Variants in TCF3 observed in about 807,000 individuals in gnomAD.
TCF3 encodes transcription factor 3.
Under a neutral mutation model 72.3 loss-of-function variants are expected in TCF3, and 54 were observed. That is an observed-to-expected ratio of 0.75 (90% CI 0.60 to 0.94). The LOEUF (loss-of-function observed/expected upper bound fraction) is 0.94, where lower values mean the gene tolerates loss of function less well. Among genes scored for constraint, TCF3 ranks in the 40% least tolerant of loss-of-function variants. TCF3 has a pLI of 0.00. For synonymous variants in TCF3, 525 were observed against 412.6 expected, an observed-to-expected ratio of 1.27 and a Z score of -3.30; for missense variants, 1,078 against 934.4, an observed-to-expected ratio of 1.15 and a Z score of -2.00.
chr19:1,640,909 G>A (rs1356030766), intron 3 of TCF3, among the ~76,000 whole-genome samples: 6 of 152,210 alleles, frequency 3.9e-5, no homozygotes, highest in African/African-American at 1.2e-4. Flanking sequence ...AGCACTTTGG[G>A]AGGCCGAGGT....
intron 3 of TCF3, among the ~76,000 whole-genome samples, chr19:1,636,252 TG>T (rs1418865382): frequency 6.6e-6 from 1 of 152,052 alleles, no homozygotes; most frequent in Non-Finnish European, 1.5e-5. Flanking sequence ...CTCCGCCTCC[TG>T]GGTTCAAGTG....
intron 4 of TCF3, 21 bp from the exon 5 acceptor site, chr19:1,632,137 A>C: frequency 6.2e-7 from 1 of 1,610,004 alleles, no homozygotes; most frequent in South Asian, 1.1e-5. Flanking sequence ...TGGGGTGGGG[A>C]TGAGAGGTGC....
chr19:1,637,857 C>T (rs1013925862), intron 3 of TCF3, among the ~76,000 whole-genome samples: 6 of 151,680 alleles, frequency 4.0e-5, no homozygotes, highest in South Asian at 2.1e-4. Context: ...TGCAGTGAGC[C>T]GAGATCGTGC....
intron 3 of TCF3, among the ~76,000 whole-genome samples, chr19:1,641,055 CAGG>C (rs2065165268): frequency 6.7e-6 from 1 of 149,892 alleles, no homozygotes; most frequent in Non-Finnish European, 1.5e-5. Context: ...GAGGCTGAAG[CAGG>C]AGAATCGTTT....
intron 8 of TCF3, 93 bp downstream of exon 8, chr19:1,623,858 C>A: frequency 7.4e-7 from 1 of 1,352,044 alleles, no homozygotes; most frequent in Non-Finnish European, 1.0e-6. Flanking sequence ...TCAGGGCCCA[C>A]CCCGCCATGT....
chr19:1,623,807 A>G, intron 8 of TCF3, 144 bp downstream of exon 8: 1 of 786,100 alleles, frequency 1.3e-6, no homozygotes, highest in South Asian at 1.9e-5. Context: ...CTCGGGTCAG[A>G]GCTCAGATCT....
Position 1,614,473 on chromosome 19 carries a change from G to A in TCF3, c.1822+812C>T, listed in dbSNP as rs2061348816. On this transcript the variant is annotated intron_variant, in intron 18 of 18. Coordinates refer to ENST00000262965, the MANE Select transcript of TCF3 (RefSeq NM_003200.5). This position sits in a 1 kb window ranked among gnomAD's most constrained non-coding sequence, Gnocchi z 5.6. ...AGGGACGGACGGGCGGGATGGAGGG[G>A]AGGGCGGAAGGCAGACAGCAGAGAG... Among the ~76,000 whole-genome samples the A allele has an allele frequency of 6.6e-6, 1 of 152,192 alleles. No individual in the cohort carries two copies. Among genetic ancestry groups the A allele is most frequent in the African/African-American group, 2.4e-5 (1 of 41,452 alleles).
chr19:1,637,586 C>T (rs576142472), intron 3 of TCF3, among the ~76,000 whole-genome samples: 3 of 152,234 alleles, frequency 2.0e-5, no homozygotes, highest in South Asian at 4.2e-4. Flanking sequence ...GTGTGGGGAC[C>T]GGAGAACCTG....
chr19:1,616,843 C>G (rs1297379563), intron 16 of TCF3, among the ~76,000 whole-genome samples: 1 of 152,138 alleles, frequency 6.6e-6, no homozygotes, highest in Non-Finnish European at 1.5e-5. Context: ...TCCTGATCAG[C>G]AAAGATACCA....
Position 1,611,531 on chromosome 19 carries a change from CCA to C in TCF3, c.*174_*175del. On this transcript the variant is annotated 3_prime_UTR_variant, in exon 19 of 19. Transcript: ENST00000262965. ...CCAGGGCCCCAGGGAGCTCCTGGAC[CCA>C]GTGTCACCTTGGCCGCCCCCATCAC... The C allele has an allele frequency of 1.2e-6, 1 of 838,920 alleles. No individual in the cohort carries two copies. Among genetic ancestry groups the C allele is most frequent in the Non-Finnish European group, 1.8e-6 (1 of 568,298 alleles). The allele number at this position is 838,920 out of a possible 1,614,324, so 52.0% of individuals were successfully genotyped here. A position where few individuals can be genotyped will look rare whatever the true frequency, so the allele number is the denominator to read the frequency against.
At chr19:1,645,751 G>C (rs866075169) in intron 3 of TCF3, among the ~76,000 whole-genome samples, 10 of 152,302 alleles carry the variant, frequency 6.6e-5, no homozygotes, top group South Asian at 6.2e-4. Flanking sequence ...CCACTGCTGT[G>C]TCATCAGCGA....
chr19:1,634,565 T>C (rs2064145725), intron 3 of TCF3, among the ~76,000 whole-genome samples: 1 of 152,224 alleles, frequency 6.6e-6, no homozygotes, highest in Non-Finnish European at 1.5e-5. Flanking sequence ...TGAAAGATGC[T>C]GCTTCAGAGA....
At chr19:1,627,920 A>G (rs1233053216) in intron 5 of TCF3, among the ~76,000 whole-genome samples, 1 of 6,298 alleles carries the variant, frequency 1.6e-4, no homozygotes, top group Non-Finnish European at 2.6e-4. Flanking sequence ...ACAGGGGGTG[A>G]GGCGGGAAGG....
chr19:1,630,843 G>A lies in TCF3; in HGVS notation c.298+1195C>T, dbSNP rs183608463. 4.3e-3 allele frequency among the ~76,000 whole-genome samples: 651 copies of A among 152,188 alleles called. 4 individuals are homozygous for A. Among genetic ancestry groups the A allele is most frequent in the Admixed American group, 8.8e-3 (135 of 15,292 alleles). On this transcript the variant is annotated intron_variant, in intron 5 of 18. Coordinates refer to ENST00000262965, the MANE Select transcript of TCF3 (RefSeq NM_003200.5). Reference sequence around the variant, plus strand: ...CCCCTACCTGAGCCCCCGAACCCTGGGGCACAGGACTTGACACTCCCGCAG... The same window carrying A: ...CCCCTACCTGAGCCCCCGAACCCTGAGGCACAGGACTTGACACTCCCGCAG...
intron 3 of TCF3, among the ~76,000 whole-genome samples, chr19:1,640,714 G>C (rs914385586): frequency 2.0e-5 from 3 of 151,924 alleles, no homozygotes; most frequent in African/African-American, 7.3e-5. Context: ...CTAGGCAGGA[G>C]AATGGCGTGA....
chr19:1,623,696 T>C (rs1568384104), intron 8 of TCF3, among the ~76,000 whole-genome samples: 1 of 152,078 alleles, frequency 6.6e-6, no homozygotes, highest in South Asian at 2.1e-4. Context: ...ATTGTGCCCT[T>C]TCTAAAGGGG....
At chr19:1,625,072 T>C (rs753317792) in intron 7 of TCF3, among the ~76,000 whole-genome samples, 2 of 152,286 alleles carry the variant, frequency 1.3e-5, no homozygotes, top group Non-Finnish European at 2.9e-5. Flanking sequence ...GTTTGCAACT[T>C]TTGGCCTCAA....
chr19:1,624,065 T>C, intron 7 of TCF3, 65 bp from the exon 8 acceptor site: 2 of 1,517,100 alleles, frequency 1.3e-6, no homozygotes, highest in Non-Finnish European at 1.8e-6. Flanking sequence ...CCCTACACCC[T>C]GGAGGAGAGA....
At chr19:1,629,344 C>T (rs1365585535) in intron 5 of TCF3, among the ~76,000 whole-genome samples, 1 of 151,150 alleles carries the variant, frequency 6.6e-6, no homozygotes, top group Non-Finnish European at 1.5e-5. Context: ...CCAAAGTGCC[C>T]AGCATTCAGC....
Sources: allele counts gnomAD v4.1 joint callset (sites outside exome capture counted in the v4.1 genomes callset), GRCh38; gene constraint gnomAD v4.1.1; non-coding constraint Gnocchi (gnomAD v3.1); transcripts MANE v1.5; gene names NCBI Gene and HGNC (gene_info 2026-07-23, HGNC 2026-07-21).